FGD2: variants seen among roughly 807,000 people sequenced by gnomAD.
The protein encoded by FGD2 is FYVE, RhoGEF and PH domain containing 2.
Under a neutral mutation model 75.9 loss-of-function variants are expected in FGD2, and 52 were observed. That is an observed-to-expected ratio of 0.69 (90% CI 0.55 to 0.86). The LOEUF (loss-of-function observed/expected upper bound fraction) is 0.86. FGD2 is among the 40% of genes least tolerant of loss of function. FGD2 has a pLI of 0.00. For missense variants in FGD2, 790 were observed against 872.0 expected (o/e 0.91, Z 1.18); for synonymous variants, 347 against 348.6 (o/e 1.00, Z 0.05).
At position 37,020,586 on chromosome 6, in the gene FGD2, TC is replaced by T. The variant is rs766361926; in HGVS notation, c.1170del (p.Lys392SerfsTer15). On this transcript the variant is annotated frameshift_variant, in exon 10 of 16. Coordinates refer to ENST00000274963, the MANE Select transcript of FGD2 (RefSeq NM_173558.4). LOFTEE classifies it high-confidence loss of function. ...TGAGTTTCCCCACTCCTTCCTGGTG[TC>T]CGGGAAGCAGCGCACCCTGGAGCTG... ...DAEFPHSFLV[S>X]GKQRTLELQA... 9 of 1,609,406 alleles carry T rather than the reference TC, an allele frequency of 5.6e-6. No individual in the cohort carries two copies. The Admixed American group carries it at 1.5e-4, about 27-fold the overall frequency.
chr6:37,015,609 C>A (rs569564420), intron 8 of FGD2, among the ~76,000 whole-genome samples, 159 bp from the exon 9 acceptor site: 8 of 152,348 alleles, frequency 5.3e-5, no homozygotes, highest in South Asian at 2.1e-4. Context: ...TCACCTACAT[C>A]ATCACCTGTG....
chr6:37,020,560 C>T lies in FGD2; in HGVS notation c.1142C>T (p.Ala381Val). 2 of 1,608,010 alleles carry T rather than the reference C, an allele frequency of 1.2e-6. No homozygotes were observed. Among genetic ancestry groups the T allele is most frequent in the Non-Finnish European group, 1.7e-6 (2 of 1,178,064 alleles). Residue 381 changes from alanine (A) to valine (V), a missense_variant, in exon 10 of 16, where the codon GCT becomes GTT. Coordinates refer to ENST00000274963, the MANE Select transcript of FGD2 (RefSeq NM_173558.4). ...AGMKVRELMD[A>V]EFPHSFLVSG... ...TGGCAGGTGCGGGAGCTGATGGATGCTGAGTTTCCCCACTCCTTCCTGGTG... is the reference window on the plus strand; with the variant it reads ...TGGCAGGTGCGGGAGCTGATGGATGTTGAGTTTCCCCACTCCTTCCTGGTG...
intron 8 of FGD2, among the ~76,000 whole-genome samples, chr6:37,015,502 AG>A (rs1414767680): frequency 6.6e-6 from 1 of 152,190 alleles, no homozygotes; most frequent in African/African-American, 2.4e-5. Flanking sequence ...CTGTTGAGAA[AG>A]GCCTTGTAGG....
intron 14 of FGD2, 91 bp downstream of exon 14, chr6:37,026,029 G>A: frequency 6.5e-7 from 1 of 1,528,384 alleles, no homozygotes; most frequent in African/African-American, 1.4e-5. Flanking sequence ...GTCCAGTGCT[G>A]AGGAACAAGC....
intron 9 of FGD2, among the ~76,000 whole-genome samples, chr6:37,020,171 T>C (rs1765506422): frequency 6.6e-6 from 1 of 152,164 alleles, no homozygotes; most frequent in African/African-American, 2.4e-5. Flanking sequence ...TTCTTTAATG[T>C]TTTATTATGA....
chr6:37,013,960 A>C lies in FGD2; in HGVS notation c.685-2A>C, dbSNP rs774490665. On this transcript the variant is annotated splice_acceptor_variant, in intron 5 of 15. Coordinates refer to ENST00000274963, the MANE Select transcript of FGD2 (RefSeq NM_173558.4). LOFTEE classifies it high-confidence loss of function. Reference sequence around the variant, plus strand: ...CGTGTTGCTCCCCCATCCCTCCCCAAGAGCAGCGAGGCTTCGGGCAGCCTG... The same window carrying C: ...CGTGTTGCTCCCCCATCCCTCCCCACGAGCAGCGAGGCTTCGGGCAGCCTG... The C allele has an allele frequency of 1.9e-6, 3 of 1,612,902 alleles. No individual in the cohort carries two copies. In the South Asian group the frequency reaches 3.3e-5, roughly 18 times the overall value.
At chr6:37,014,205 C>T (rs1265585693) in intron 6 of FGD2, 105 bp downstream of exon 6, 3 of 1,335,762 alleles carry the variant, frequency 2.2e-6, no homozygotes, top group African/African-American at 2.9e-5. Flanking sequence ...CAGTCATCAA[C>T]ATCAACCACT....
At chr6:37,007,486 G>T (rs1182156921) in intron 1 of FGD2, among the ~76,000 whole-genome samples, 1 of 152,230 alleles carries the variant, frequency 6.6e-6, no homozygotes, top group African/African-American at 2.4e-5. Flanking sequence ...GCACACCTGG[G>T]TGGAGCCCCT....
At chr6:37,012,423 T>C (rs866453876) in intron 4 of FGD2, among the ~76,000 whole-genome samples, 1 of 152,210 alleles carries the variant, frequency 6.6e-6, no homozygotes, top group Middle Eastern at 3.4e-3. Context: ...TTTTTTAAGA[T>C]AATAATAGCC....
At chr6:37,012,023 C>A in intron 4 of FGD2, 169 bp downstream of exon 4, 4 of 678,126 alleles carry the variant, frequency 5.9e-6, no homozygotes, top group Non-Finnish European at 9.4e-6. Flanking sequence ...GGTGAATGAG[C>A]TCTGAGAGGC....
At chr6:37,014,858 C>A in intron 7 of FGD2, 34 bp from the exon 8 acceptor site, 2 of 1,611,438 alleles carry the variant, frequency 1.2e-6, no homozygotes, top group Non-Finnish European at 8.5e-7. Flanking sequence ...GAGCCCTGCC[C>A]AGACTTGGCT....
chr6:37,010,663 G>A (rs1367307877), intron 2 of FGD2, among the ~76,000 whole-genome samples: 1 of 152,170 alleles, frequency 6.6e-6, no homozygotes, highest in Non-Finnish European at 1.5e-5. Flanking sequence ...TCCTCTCCAC[G>A]TGGCCTGTCC....
Position 37,013,600 on chromosome 6 carries a change from C to T in FGD2, c.528-9C>T, listed in dbSNP as rs1421767486. 2 of 1,612,428 alleles carry T rather than the reference C, an allele frequency of 1.2e-6. No individual in the cohort carries two copies. Among genetic ancestry groups the T allele is most frequent in the East Asian group, 2.2e-5 (1 of 44,876 alleles). On this transcript the variant is annotated splice_polypyrimidine_tract_variant and intron_variant, in intron 4 of 15. Coordinates refer to ENST00000274963, the MANE Select transcript of FGD2 (RefSeq NM_173558.4). Reference sequence around the variant, plus strand: ...TAGGCTGAGGGCAATCCCTGTGCCCCTCCTGCAGGACAGCTAACCCCCGCA... The same window carrying T: ...TAGGCTGAGGGCAATCCCTGTGCCCTTCCTGCAGGACAGCTAACCCCCGCA...
At chr6:37,026,317 A>C (rs1765819889) in intron 14 of FGD2, 2 of 985,404 alleles carry the variant, frequency 2.0e-6, no homozygotes, top group Non-Finnish European at 1.2e-6. Context: ...GGGAACACTG[A>C]CGCTCCAGGT....
Position 37,005,752 on chromosome 6 carries a change from T to C in FGD2, c.-66T>C. The C allele has an allele frequency of 6.4e-7, 1 of 1,553,700 alleles. No individual in the cohort carries two copies. Among genetic ancestry groups the C allele is most frequent in the Non-Finnish European group, 8.8e-7 (1 of 1,130,782 alleles). On this transcript the variant is annotated 5_prime_UTR_variant, in exon 1 of 16. Transcript: ENST00000274963. Reference sequence around the variant, plus strand: ...TCTGTCCCAGGCCAGCGTGGCTGAGTGTGCTGGCTGGAGGCCTCTCTCTCT... The same window carrying C: ...TCTGTCCCAGGCCAGCGTGGCTGAGCGTGCTGGCTGGAGGCCTCTCTCTCT...
chr6:37,022,318 A>G lies in FGD2; in HGVS notation c.1406A>G (p.Glu469Gly). The part of the protein sequence containing the change: ...KMVTMCMRCQ[E>G]PFNALTRRRH... ...GTGACCATGTGCATGCGCTGCCAGG[A>G]GCCCTTCAACGCTCTGACGCGCCGT... Residue 469 changes from glutamate to glycine, a missense_variant, in exon 13 of 16, where the codon GAG becomes GGG. Glu to Gly is a moderately conservative substitution (Grantham distance 98). Coordinates refer to ENST00000274963, the MANE Select transcript of FGD2 (RefSeq NM_173558.4). 1 of 1,590,510 alleles carries G rather than the reference A, an allele frequency of 6.3e-7. No homozygotes were observed. Among genetic ancestry groups the G allele is most frequent in the Non-Finnish European group, 8.5e-7 (1 of 1,170,524 alleles).
intron 6 of FGD2, 114 bp from the exon 7 acceptor site, chr6:37,014,532 C>G (rs755852705): frequency 8.1e-7 from 1 of 1,241,586 alleles, no homozygotes; most frequent in Non-Finnish European, 1.1e-6. Flanking sequence ...CAGGGCTGCT[C>G]CTGGGGGCTG....
Position 37,014,716 on chromosome 6 carries a change from G to A in FGD2, c.882+12G>A, listed in dbSNP as rs763348142. The A allele has an allele frequency of 2.4e-5, 38 of 1,613,694 alleles. No homozygotes were observed. Among genetic ancestry groups the A allele is most frequent in the Non-Finnish European group, 3.0e-5 (35 of 1,179,942 alleles). On this transcript the variant is annotated intron_variant, in intron 7 of 15. Transcript: ENST00000274963. ...CCATCACTGAGATGGTAAGCAGCCCGCCCTCTCCTGGAGCCCTGTCCCCCT... is the reference window on the plus strand; with the variant it reads ...CCATCACTGAGATGGTAAGCAGCCCACCCTCTCCTGGAGCCCTGTCCCCCT...
intron 15 of FGD2, 118 bp downstream of exon 15, chr6:37,027,693 A>G: frequency 3.7e-6 from 5 of 1,334,790 alleles, no homozygotes; most frequent in Non-Finnish European, 5.1e-6. Context: ...ACTGAGGCCC[A>G]ATGAGGATAT....
Sources: gnomAD v4.1 joint callset for allele counts (sites outside exome capture counted in the v4.1 genomes callset) on GRCh38, gnomAD v4.1.1 for gene constraint, MANE v1.5 for transcripts, NCBI Gene and HGNC (gene_info 2026-07-23, HGNC 2026-07-21) for gene names.